The following TEAD1 variants were observed in gnomAD, a reference collection of about 807,000 sequenced individuals.
TEAD1 encodes transcriptional enhancer factor TEF-1.
TEAD1 carries 9 observed loss-of-function variants against 54.9 expected under a neutral mutation model. That is an observed-to-expected ratio of 0.16 (90% CI 0.10 to 0.29). The LOEUF (loss-of-function observed/expected upper bound fraction) is 0.29. Ranked by LOEUF, TEAD1 falls within the 10% of genes least tolerant of loss-of-function variation. TEAD1 has a pLI of 1.00. For missense variants in TEAD1, 387 were observed against 535.9 expected (o/e 0.72, Z 2.74); for synonymous variants, 200 against 187.8 (o/e 1.07, Z -0.53).
intron 2 of TEAD1, among the ~76,000 whole-genome samples, chr11:12,740,539 A>T (rs1944629676): frequency 6.6e-6 from 1 of 152,192 alleles, no homozygotes; most frequent in South Asian, 2.1e-4. Flanking sequence ...GGTTTGTCTC[A>T]CAGTTCTGCT....
chr11:12,936,504 A>G (rs12807171), intron 12 of TEAD1, among the ~76,000 whole-genome samples: 44,067 of 152,134 alleles, frequency 0.29, 6,759 homozygotes, highest in Middle Eastern at 0.34. Context: ...GTCCTTGGCT[A>G]TTGTGAAACA....
intron 2 of TEAD1, among the ~76,000 whole-genome samples, chr11:12,695,131 C>T (rs1418977691): frequency 1.3e-5 from 2 of 152,192 alleles, no homozygotes; most frequent in East Asian, 1.9e-4. Flanking sequence ...TCTTACTTGT[C>T]GTTTGTATTT....
intron 5 of TEAD1, among the ~76,000 whole-genome samples, chr11:12,874,981 C>T (rs1947826283): frequency 6.6e-6 from 1 of 152,128 alleles, no homozygotes; most frequent in Non-Finnish European, 1.5e-5. Context: ...ATGCAATTTT[C>T]TTATTCTTGC....
chr11:12,913,761 A>T (rs532629894), intron 10 of TEAD1, among the ~76,000 whole-genome samples: 1 of 152,332 alleles, frequency 6.6e-6, no homozygotes, highest in Non-Finnish European at 1.5e-5. Flanking sequence ...TTCATTTGAG[A>T]TGTGAGTTAA....
At chr11:12,770,678 A>G (rs570306708) in intron 3 of TEAD1, among the ~76,000 whole-genome samples, 1 of 152,350 alleles carries the variant, frequency 6.6e-6, no homozygotes, top group African/African-American at 2.4e-5. Flanking sequence ...GAGGTCACAT[A>G]GTAAATAAGC....
chr11:12,706,782 C>T (rs894185668), intron 2 of TEAD1, among the ~76,000 whole-genome samples: 4 of 152,148 alleles, frequency 2.6e-5, no homozygotes, highest in South Asian at 2.1e-4. Flanking sequence ...GGTTCATGAG[C>T]GTTCCAAGCT....
chr11:12,862,012 A>G (rs1337653721), intron 3 of TEAD1, among the ~76,000 whole-genome samples: 4 of 151,088 alleles, frequency 2.6e-5, no homozygotes, highest in Admixed American at 2.0e-4. Context: ...TTTTTAAAAA[A>G]AAGGATAAAT....
intron 2 of TEAD1, among the ~76,000 whole-genome samples, chr11:12,740,110 A>C (rs944925087): frequency 6.6e-6 from 1 of 152,210 alleles, no homozygotes; most frequent in African/African-American, 2.4e-5. Flanking sequence ...AGGCAGTCTT[A>C]TGTGGTGGTT....
chr11:12,834,779 CTTAATT>C (rs967039450), intron 3 of TEAD1, among the ~76,000 whole-genome samples: 4 of 110,248 alleles, frequency 3.6e-5, no homozygotes, highest in African/African-American at 1.3e-4. Context: ...TTTTTTTTTT[CTTAATT>C]TTAAGTTTGT....
chr11:12,719,547 C>T (rs1477662241), intron 2 of TEAD1, among the ~76,000 whole-genome samples: 3 of 145,916 alleles, frequency 2.1e-5, no homozygotes, highest in Non-Finnish European at 3.0e-5. Context: ...TGCTGACTCT[C>T]CCCTTTCTCT....
chr11:12,904,649 G>T (rs999250953), intron 10 of TEAD1, among the ~76,000 whole-genome samples: 2 of 152,064 alleles, frequency 1.3e-5, no homozygotes, highest in Non-Finnish European at 2.9e-5. Flanking sequence ...AAAAATACAG[G>T]CATGTTTAAT....
At chr11:12,849,934 C>T (rs1468488472) in intron 3 of TEAD1, among the ~76,000 whole-genome samples, 2 of 152,050 alleles carry the variant, frequency 1.3e-5, no homozygotes, top group Non-Finnish European at 2.9e-5. Context: ...TTTTTAGGAC[C>T]ATGTCATTTT....
intron 2 of TEAD1, among the ~76,000 whole-genome samples, chr11:12,697,237 A>G (rs1255354754): frequency 1.3e-5 from 2 of 152,102 alleles, no homozygotes; most frequent in Non-Finnish European, 2.9e-5. Context: ...CCTGTGATAA[A>G]TCTGAAAAAT....
intron 2 of TEAD1, among the ~76,000 whole-genome samples, chr11:12,731,945 C>T (rs1417494181): frequency 3.9e-5 from 6 of 152,170 alleles, no homozygotes; most frequent in African/African-American, 9.7e-5. Context: ...ACCCTGAATG[C>T]CACATTTCTA....
intron 3 of TEAD1, among the ~76,000 whole-genome samples, chr11:12,785,264 T>A (rs1945654207): frequency 6.6e-6 from 1 of 152,102 alleles, no homozygotes; most frequent in Non-Finnish European, 1.5e-5. Flanking sequence ...TCTGGAGAGA[T>A]CAGCCCAGCC....
rs60042137 is a variant in TEAD1, at chr11:12,908,883, G to GTTTTTTTTTTTTTTTTTTTTT, written c.873+6783_873+6784insTTTTTTTTTTTTTTTTTTTTT. Among the ~76,000 whole-genome samples, 23 of 99,660 alleles carry GTTTTTTTTTTTTTTTTTTTTT rather than the reference G, an allele frequency of 2.3e-4. 1 individual carries two copies. Among genetic ancestry groups the GTTTTTTTTTTTTTTTTTTTTT allele is most frequent in the African/African-American group, 6.4e-4 (20 of 31,376 alleles). The allele number at this position is 99,660 out of a possible 152,430, so 65.4% of individuals were successfully genotyped here. On this transcript the variant is annotated intron_variant, in intron 10 of 12. Coordinates refer to ENST00000527636, the MANE Select transcript of TEAD1 (RefSeq NM_021961.6). ...TATGTCAGTATACTTCAAATTATCT[G>GTTTTTTTTTTTTTTTTTTTTT]TTTTTTTTTTTTTGAGACAGTGTTG...
chr11:12,922,818 A>G (rs1471831292), intron 10 of TEAD1: 1 of 150,650 alleles, frequency 6.6e-6, no homozygotes, highest in African/African-American at 2.4e-5. Context: ...AATCTCAGCT[A>G]CTCAGGAGGC....
At chr11:12,713,781 C>T (rs1048103837) in intron 2 of TEAD1, among the ~76,000 whole-genome samples, 2 of 152,162 alleles carry the variant, frequency 1.3e-5, no homozygotes, top group African/African-American at 2.4e-5. Flanking sequence ...TCGCCTTTTC[C>T]ACTCCGCCGT....
chr11:12,918,343 TTA>T (rs978302567), intron 10 of TEAD1, among the ~76,000 whole-genome samples: 1 of 150,092 alleles, frequency 6.7e-6, no homozygotes, highest in Non-Finnish European at 1.5e-5. Context: ...ATCTTGATAA[TTA>T]TATATATATC....
Sources: allele counts gnomAD v4.1 joint callset (sites outside exome capture counted in the v4.1 genomes callset), GRCh38; gene constraint gnomAD v4.1.1; transcripts MANE v1.5; gene names NCBI Gene and HGNC (gene_info 2026-07-23, HGNC 2026-07-21).